The following PARN variants were observed in gnomAD, a reference collection of about 807,000 sequenced individuals.
The protein encoded by PARN is poly(A)-specific ribonuclease PARN.
Under a neutral mutation model 102.8 loss-of-function variants are expected in PARN, and 71 were observed. The ratio of observed to expected loss-of-function variants is 0.69; its 90% CI spans 0.57 to 0.84. The LOEUF (loss-of-function observed/expected upper bound fraction) is 0.84. Among genes scored for constraint, PARN ranks in the 40% least tolerant of loss-of-function variants. PARN has a pLI of 0.00. For missense variants in PARN, 782 were observed against 760.9 expected, an observed-to-expected ratio of 1.03 and a Z score of -0.33; for synonymous variants, 261 against 252.9, an observed-to-expected ratio of 1.03 and a Z score of -0.30.
intron 1 of PARN, 98 bp from the exon 2 acceptor site, chr16:14,629,772 G>A (rs1011807457): frequency 7.5e-6 from 7 of 936,742 alleles, no homozygotes; most frequent in South Asian, 1.3e-5. Flanking sequence ...CTGAGAGCCG[G>A]AAGGGGAAAA....
chr16:14,627,842 TA>T (rs201345035), intron 3 of PARN, among the ~76,000 whole-genome samples: 3,971 of 151,640 alleles, frequency 0.026, 53 homozygotes, highest in Middle Eastern at 0.044. Flanking sequence ...ATGTAAAAAT[TA>T]AAAAAAATAA....
chr16:14,516,380 G>C (rs1465699245), intron 21 of PARN, among the ~76,000 whole-genome samples: 2 of 152,096 alleles, frequency 1.3e-5, no homozygotes, highest in Non-Finnish European at 2.9e-5. Context: ...ATTGCATGCT[G>C]AAAGGCTATA....
intron 19 of PARN, 101 bp from the exon 20 acceptor site, chr16:14,554,252 T>C: frequency 4.1e-6 from 3 of 739,318 alleles, no homozygotes; most frequent in Non-Finnish European, 6.7e-6. Flanking sequence ...TGGAGAACTG[T>C]TATGAATTCC....
intron 5 of PARN, among the ~76,000 whole-genome samples, chr16:14,622,677 T>C (rs1972388849): frequency 6.6e-6 from 1 of 152,218 alleles, no homozygotes; most frequent in Non-Finnish European, 1.5e-5. Context: ...GCTAATTTTT[T>C]TTGTATTTTT....
chr16:14,608,773 C>T (rs1178397748), intron 8 of PARN, among the ~76,000 whole-genome samples: 1 of 152,130 alleles, frequency 6.6e-6, no homozygotes, highest in Admixed American at 6.5e-5. Context: ...GTATTAAGCG[C>T]GCCTCAAGGC....
intron 21 of PARN, among the ~76,000 whole-genome samples, chr16:14,505,531 G>A (rs1483780135): frequency 6.6e-6 from 1 of 151,912 alleles, no homozygotes; most frequent in African/African-American, 2.4e-5. Context: ...ACAACAAATT[G>A]GGACAAGTAT....
intron 21 of PARN, among the ~76,000 whole-genome samples, chr16:14,489,761 C>T (rs1233223102): frequency 6.6e-6 from 1 of 152,220 alleles, no homozygotes; most frequent in Non-Finnish European, 1.5e-5. Flanking sequence ...TACTAGGAAA[C>T]TGCTGAAGCA....
At chr16:14,515,116 A>C (rs1007974388) in intron 21 of PARN, among the ~76,000 whole-genome samples, 2 of 152,146 alleles carry the variant, frequency 1.3e-5, no homozygotes, top group East Asian at 3.9e-4. Context: ...TCTTCACCAA[A>C]TTCCAGAACA....
rs4321214 is a variant in PARN at position 14,465,445 on chromosome 16, T to C, written c.1670+17193A>G. Reference sequence around the variant, plus strand: ...CGACTAAATAAGAAATATAACAATGTTGCATGCTGTTAATAACATATAAAT... The same window carrying C: ...CGACTAAATAAGAAATATAACAATGCTGCATGCTGTTAATAACATATAAAT... On this transcript the variant is annotated intron_variant, in intron 22 of 23. Coordinates refer to ENST00000437198, the MANE Select transcript of PARN (RefSeq NM_002582.4). Among the ~76,000 whole-genome samples, 644 of 152,342 alleles carry C rather than the reference T, an allele frequency of 4.2e-3. 53 individuals carry two copies. In the South Asian group the frequency reaches 0.12, roughly 29 times the overall value.
chr16:14,514,167 A>T (rs1199749963), intron 21 of PARN, among the ~76,000 whole-genome samples: 1 of 152,146 alleles, frequency 6.6e-6, no homozygotes, highest in Non-Finnish European at 1.5e-5. Context: ...TTATTTATTT[A>T]ATTTAATGTA....
chr16:14,588,611 G>A (rs537591665), intron 13 of PARN, among the ~76,000 whole-genome samples: 4 of 152,124 alleles, frequency 2.6e-5, no homozygotes, highest in Non-Finnish European at 5.9e-5. Flanking sequence ...GGAGCGGGTG[G>A]CTCATTCCTG....
chr16:14,596,055 T>C (rs571535399), intron 12 of PARN, among the ~76,000 whole-genome samples: 1 of 152,316 alleles, frequency 6.6e-6, no homozygotes, highest in Non-Finnish European at 1.5e-5. Context: ...TCTACATACA[T>C]ATGGTTCTTA....
intron 18 of PARN, among the ~76,000 whole-genome samples, chr16:14,575,353 C>A (rs1969060978): frequency 6.6e-6 from 1 of 152,198 alleles, no homozygotes; most frequent in South Asian, 2.1e-4. Context: ...AGGTTGTAAC[C>A]CTGCAAAGCC....
chr16:14,440,946 T>C (rs1960914595), intron 23 of PARN, among the ~76,000 whole-genome samples: 1 of 152,166 alleles, frequency 6.6e-6, no homozygotes, highest in Non-Finnish European at 1.5e-5. Context: ...TATATGACTG[T>C]ACACAGATGT....
At chr16:14,456,130 C>A (rs1282817840) in intron 22 of PARN, among the ~76,000 whole-genome samples, 3 of 151,918 alleles carry the variant, frequency 2.0e-5, no homozygotes, top group Non-Finnish European at 4.4e-5. Flanking sequence ...TTTCCTTACC[C>A]AGCCCCACAC....
intron 21 of PARN, chr16:14,501,459 A>AAAAAAAAAAAAAACAC (rs1555487875): frequency 7.0e-6 from 1 of 143,778 alleles, no homozygotes; most frequent in African/African-American, 2.5e-5. Flanking sequence ...AAAAAAAAAA[A>AAAAAAAAAAAAAACAC]ACAGAAAGAA....
intron 21 of PARN, among the ~76,000 whole-genome samples, chr16:14,498,053 G>A (rs1162596077): frequency 6.7e-6 from 1 of 150,196 alleles, no homozygotes; most frequent in East Asian, 2.0e-4. Context: ...GAACCAGGGA[G>A]TCGGAGGTTG....
chr16:14,562,318 T>C (rs1596677293), intron 18 of PARN, among the ~76,000 whole-genome samples: 1 of 147,538 alleles, frequency 6.8e-6, no homozygotes, highest in African/African-American at 2.5e-5. Flanking sequence ...ATTAGCCAGG[T>C]GTGGTGGCAC....
At chr16:14,562,762 A>C (rs1369413461) in intron 18 of PARN, among the ~76,000 whole-genome samples, 1 of 152,202 alleles carries the variant, frequency 6.6e-6, no homozygotes, top group Non-Finnish European at 1.5e-5. Flanking sequence ...TGCAGCACTA[A>C]AGATTAGCAA....
Sources: allele counts gnomAD v4.1 joint callset (sites outside exome capture counted in the v4.1 genomes callset), GRCh38; gene constraint gnomAD v4.1.1; transcripts MANE v1.5; gene names NCBI Gene and HGNC (gene_info 2026-07-23, HGNC 2026-07-21).